Variants in SRXN1 observed in about 807,000 individuals in gnomAD.
SRXN1 encodes sulfiredoxin 1.
A neutral mutation model predicts 11.0 loss-of-function variants in SRXN1; 11 were observed. The observed-to-expected ratio is 1.00, with a 90% CI of 0.63 to 1.65. SRXN1 has a LOEUF of 1.65. Among genes scored for constraint, SRXN1 ranks in the 40% most tolerant of loss-of-function variants. The pLI, the probability that SRXN1 is intolerant of heterozygous loss-of-function variation, is 0.00. For synonymous variants in SRXN1, 106 were observed against 92.8 expected (o/e 1.14, Z -0.82); for missense variants, 211 against 194.5 (o/e 1.08, Z -0.50).
intron 1 of SRXN1, among the ~76,000 whole-genome samples, chr20:652,113 G>T (rs1028361947): frequency 2.0e-5 from 3 of 152,246 alleles, no homozygotes; most frequent in Non-Finnish European, 4.4e-5. Flanking sequence ...CAGTGACTCT[G>T]ACCAAGGGTG....
In SRXN1 at chr20:646,960, CTT is replaced by C. The variant is rs1983549817; in HGVS notation, c.*1752_*1753del. 1 of 152,250 alleles carries C rather than the reference CTT, an allele frequency of 6.6e-6. No homozygotes were observed. The highest frequency in any genetic ancestry group is 1.5e-5 in the Non-Finnish European group (1 of 68,060). The allele number at this position is 152,250 out of a possible 1,614,324, so 9.4% of individuals were successfully genotyped here. A position where few individuals can be genotyped will look rare whatever the true frequency, so the allele number is the denominator to read the frequency against. On this transcript the variant is annotated 3_prime_UTR_variant, in exon 2 of 2. Coordinates refer to ENST00000381962, the MANE Select transcript of SRXN1 (RefSeq NM_080725.3). ...GGAAAGAGAATGCATGGGAAAAGCT[CTT>C]GTCCTTATTATTGAACTGGAGAAAC...
chr20:650,614 G>A (rs544379270), intron 1 of SRXN1, among the ~76,000 whole-genome samples: 1 of 152,336 alleles, frequency 6.6e-6, no homozygotes, highest in South Asian at 2.1e-4. Flanking sequence ...CAGCAGTAAG[G>A]TGCAGCAGTC....
rs1181710743 is a variant in SRXN1 at position 648,693 on chromosome 20, C to T, written c.*21G>A. On this transcript the variant is annotated 3_prime_UTR_variant, in exon 2 of 2. Transcript: ENST00000381962. The stretch of plus-strand genomic sequence containing the variant: ...GTGTCTTCTGGGCTCTTGAAGGTGG[C>T]AGCAGGTGCCAAGGAGGCTGCTACT... The T allele has an allele frequency of 6.2e-7, 1 of 1,613,428 alleles. No homozygotes were observed. Among genetic ancestry groups the T allele is most frequent in the Non-Finnish European group, 8.5e-7 (1 of 1,179,464 alleles).
At chr20:652,484 G>A (rs540551716) in intron 1 of SRXN1, among the ~76,000 whole-genome samples, 13 of 152,264 alleles carry the variant, frequency 8.5e-5, no homozygotes, top group African/African-American at 3.1e-4. Flanking sequence ...TAGTCCCACT[G>A]TCACTGACTG....
rs1205954394 is a variant in SRXN1 at position 653,034 on chromosome 20, C to A, written c.152G>T (p.Arg51Leu). The change falls in exon 1 of 2, where the codon CGG becomes CTG. Residue 51 changes from arginine (R) to leucine (L), a missense_variant. Coordinates refer to ENST00000381962, the MANE Select transcript of SRXN1 (RefSeq NM_080725.3). ...VHNVPLSVLI[R>L]PLPSVLDPAK... Reference sequence around the variant, plus strand: ...GGGGTCCAACACGGACGGCAGCGGCCGGATGAGCACGCTCAGCGGCACGTT... The same window carrying A: ...GGGGTCCAACACGGACGGCAGCGGCAGGATGAGCACGCTCAGCGGCACGTT... 9 of 1,568,976 alleles carry A rather than the reference C, an allele frequency of 5.7e-6. No homozygotes were observed. Among genetic ancestry groups the A allele is most frequent in the Non-Finnish European group, 7.7e-6 (9 of 1,161,320 alleles).
At chr20:651,229 G>T (rs148188575) in intron 1 of SRXN1, among the ~76,000 whole-genome samples, 389 of 152,290 alleles carry the variant, frequency 2.6e-3, no homozygotes, top group African/African-American at 8.7e-3. Context: ...TGTTAGCCCA[G>T]TAAGACCCAT....
Position 653,176 on chromosome 20 carries a change from G to A in SRXN1, c.10C>T (p.Arg4Cys), listed in dbSNP as rs1983726794. ...GCCCTGCCCAGCGTTCCTCCTGCACGCAGCCCCATCGTCGCCGCCGCCGCG... is the reference window on the plus strand; with the variant it reads ...GCCCTGCCCAGCGTTCCTCCTGCACACAGCCCCATCGTCGCCGCCGCCGCG... Reference protein sequence around the residue: MGLRAGGTLGRAGA... With the variant: MGLCAGGTLGRAGA... Residue 4 changes from arginine (R) to cysteine (C), a missense_variant, in exon 1 of 2, where the codon CGT becomes TGT. Transcript: ENST00000381962. 5.6e-6 allele frequency: 7 copies of A among 1,251,276 alleles called. No homozygotes were observed. Among genetic ancestry groups the A allele is most frequent in the Admixed American group, 3.8e-5 (1 of 26,066 alleles). 77.5% of individuals were successfully genotyped at this position (1,251,276 alleles called of 1,614,324 possible). A position where few individuals can be genotyped will look rare whatever the true frequency, so the allele number is the denominator to read the frequency against.
chr20:649,994 C>T (rs146746523), intron 1 of SRXN1, among the ~76,000 whole-genome samples: 11 of 152,290 alleles, frequency 7.2e-5, no homozygotes. Flanking sequence ...GCAAAGGGAA[C>T]AGCAAACGCA....
In SRXN1 at chr20:653,036, G is replaced by A. The variant is rs1403902208; in HGVS notation, c.150C>T (p.Ile50=). Residue 50 remains isoleucine, a synonymous_variant, in exon 1 of 2, where the codon ATC becomes ATT. Transcript: ENST00000381962. Reference sequence around the variant, plus strand: ...GGTCCAACACGGACGGCAGCGGCCGGATGAGCACGCTCAGCGGCACGTTGT... The same window carrying A: ...GGTCCAACACGGACGGCAGCGGCCGAATGAGCACGCTCAGCGGCACGTTGT... ...AVHNVPLSVL[I]RPLPSVLDPA... The A allele has an allele frequency of 4.5e-6, 7 of 1,569,964 alleles. No individual in the cohort carries two copies. The highest frequency in any genetic ancestry group is 2.4e-5 in the East Asian group (1 of 41,984).
rs1249202649 is a variant in SRXN1, at chr20:647,068, C to T, written c.*1646G>A. On this transcript the variant is annotated 3_prime_UTR_variant, in exon 2 of 2. Transcript: ENST00000381962. ...CCTGCCTTACTCTGTTCCCTTTCCC[C>T]AGGGACTCTTGGTTTTCAGAAGCCC... 1 of 152,248 alleles carries T rather than the reference C, an allele frequency of 6.6e-6. No homozygotes were observed. Among genetic ancestry groups the T allele is most frequent in the East Asian group, 1.9e-4 (1 of 5,200 alleles). The allele number at this position is 152,248 out of a possible 1,614,324, so 9.4% of individuals were successfully genotyped here. A position where few individuals can be genotyped will look rare whatever the true frequency, so the allele number is the denominator to read the frequency against.
At position 648,643 on chromosome 20, in the gene SRXN1, T is replaced by A. The variant is rs1233654592; in HGVS notation, c.*71A>T. The A allele has an allele frequency of 6.4e-6, 10 of 1,556,358 alleles. No homozygotes were observed. The Admixed American group carries it at 1.5e-4, about 24-fold the overall frequency. Reference sequence around the variant, plus strand: ...ATGCACCCCTGCTATCCCTTCTGCATGGCCCAGCCTGCTGGAGGCCAGGTG... The same window carrying A: ...ATGCACCCCTGCTATCCCTTCTGCAAGGCCCAGCCTGCTGGAGGCCAGGTG... On this transcript the variant is annotated 3_prime_UTR_variant, in exon 2 of 2. Coordinates refer to ENST00000381962, the MANE Select transcript of SRXN1 (RefSeq NM_080725.3).
chr20:648,072 G>T lies in SRXN1; in HGVS notation c.*642C>A, dbSNP rs1983578379. 1 of 456,284 alleles carries T rather than the reference G, an allele frequency of 2.2e-6. No homozygotes were observed. The highest frequency in any genetic ancestry group is 4.4e-6 in the Non-Finnish European group (1 of 226,964). The allele number at this position is 456,284 out of a possible 1,614,324, so 28.3% of individuals were successfully genotyped here. On this transcript the variant is annotated 3_prime_UTR_variant, in exon 2 of 2. Transcript: ENST00000381962. ...AGAGCAGGAAACAGACTTCTGACGA[G>T]GTTTTACTTTCTGATAGAAGGTGAC...
chr20:653,025 G>A lies in SRXN1; in HGVS notation c.161C>T (p.Pro54Leu). The change falls in exon 1 of 2, where the codon CCG becomes CTG. Residue 54 changes from proline (P) to leucine (L), a missense_variant. By Grantham distance (98) the Pro-to-Leu change is moderately conservative (BLOSUM62 -3). Coordinates refer to ENST00000381962, the MANE Select transcript of SRXN1 (RefSeq NM_080725.3). ...VPLSVLIRPLPSVLDPAKVQS... is the reference protein window; with the variant it reads ...VPLSVLIRPLLSVLDPAKVQS... Reference sequence around the variant, plus strand: ...CACCTTGGCGGGGTCCAACACGGACGGCAGCGGCCGGATGAGCACGCTCAG... The same window carrying A: ...CACCTTGGCGGGGTCCAACACGGACAGCAGCGGCCGGATGAGCACGCTCAG... 2 of 1,572,158 alleles carry A rather than the reference G, an allele frequency of 1.3e-6. No homozygotes were observed. The highest frequency in any genetic ancestry group is 1.7e-6 in the Non-Finnish European group (2 of 1,162,414).
chr20:646,723 C>T lies in SRXN1; in HGVS notation c.*1991G>A, dbSNP rs1983543504. 1.3e-5 allele frequency: 2 copies of T among 151,896 alleles called. No homozygotes were observed. Among genetic ancestry groups the T allele is most frequent in the South Asian group, 4.2e-4 (2 of 4,808 alleles). The allele number at this position is 151,896 out of a possible 1,614,324, so 9.4% of individuals were successfully genotyped here. A position where few individuals can be genotyped will look rare whatever the true frequency, so the allele number is the denominator to read the frequency against. On this transcript the variant is annotated 3_prime_UTR_variant, in exon 2 of 2. Coordinates refer to ENST00000381962, the MANE Select transcript of SRXN1 (RefSeq NM_080725.3). ...CTGTATACCCTTCACCCAGCCTACC[C>T]CAAGGTCAACATCTTACATCACCAT...
At position 647,772 on chromosome 20, in the gene SRXN1, G is replaced by A; in HGVS notation, c.*942C>T. 1 of 342,844 alleles carries A rather than the reference G, an allele frequency of 2.9e-6. No homozygotes were observed. Among genetic ancestry groups the A allele is most frequent in the Non-Finnish European group, 5.7e-6 (1 of 175,342 alleles). 21.2% of individuals were successfully genotyped at this position (342,844 alleles called of 1,614,324 possible). On this transcript the variant is annotated 3_prime_UTR_variant, in exon 2 of 2. Coordinates refer to ENST00000381962, the MANE Select transcript of SRXN1 (RefSeq NM_080725.3). ...GCCCAAATTGCCAACCCATAGGATT[G>A]TGGGAAAATACAGGGTTTGTTTCTA...
At chr20:651,927 G>C (rs1389258091) in intron 1 of SRXN1, among the ~76,000 whole-genome samples, 1 of 152,226 alleles carries the variant, frequency 6.6e-6, no homozygotes, top group Non-Finnish European at 1.5e-5. Context: ...GCCAGGCGCC[G>C]TGCTACTATT....
chr20:652,052 A>G (rs1568641164), intron 1 of SRXN1, among the ~76,000 whole-genome samples: 1 of 152,234 alleles, frequency 6.6e-6, no homozygotes, highest in Non-Finnish European at 1.5e-5. Flanking sequence ...TCTGGTGGAC[A>G]TAAGTGGTAT....
chr20:648,709 G>C lies in SRXN1; in HGVS notation c.*5C>G. 2 of 1,614,022 alleles carry C rather than the reference G, an allele frequency of 1.2e-6. No individual in the cohort carries two copies. The highest frequency in any genetic ancestry group is 1.1e-5 in the South Asian group (1 of 91,068). On this transcript the variant is annotated 3_prime_UTR_variant, in exon 2 of 2. Coordinates refer to ENST00000381962, the MANE Select transcript of SRXN1 (RefSeq NM_080725.3). ...TGAAGGTGGCAGCAGGTGCCAAGGA[G>C]GCTGCTACTGCAAGTCTGGTGTGGA...
At position 646,689 on chromosome 20, in the gene SRXN1, A is replaced by G. The variant is rs190876498; in HGVS notation, c.*2025T>C. 18 of 152,022 alleles carry G rather than the reference A, an allele frequency of 1.2e-4. No homozygotes were observed. The highest frequency in any genetic ancestry group is 4.3e-4 in the African/African-American group (18 of 41,432). 9.4% of individuals were successfully genotyped at this position (152,022 alleles called of 1,614,324 possible). On this transcript the variant is annotated 3_prime_UTR_variant, in exon 2 of 2. Transcript: ENST00000381962. ...TACAGAGAAGTTGCAGAGATAGTAC[A>G]AAGAGTTCCTGTATACCCTTCACCC...
Sources: allele counts gnomAD v4.1 joint callset (sites outside exome capture counted in the v4.1 genomes callset), GRCh38; gene constraint gnomAD v4.1.1; transcripts MANE v1.5; gene names NCBI Gene and HGNC (gene_info 2026-07-23, HGNC 2026-07-21).